The following CNTN3 variants were observed in gnomAD, a reference collection of about 807,000 sequenced individuals.
The protein encoded by CNTN3 is contactin-3.
Under a neutral mutation model 119.1 loss-of-function variants are expected in CNTN3, and 60 were observed. That is an observed-to-expected ratio of 0.50 (90% confidence interval 0.41 to 0.62). The LOEUF is 0.62. Among genes scored for constraint, CNTN3 ranks in the 20% least tolerant of loss-of-function variants. The pLI, the probability that CNTN3 is intolerant of heterozygous loss-of-function variation, is 0.00. For missense variants in CNTN3, 1,101 were observed against 1,242.4 expected, an observed-to-expected ratio of 0.89 and a Z score of 1.71; for synonymous variants, 450 against 438.7, an observed-to-expected ratio of 1.03 and a Z score of -0.32.
intron 5 of CNTN3, among the ~76,000 whole-genome samples, chr3:74,402,503 G>T (rs1229694620): frequency 1.3e-5 from 2 of 152,024 alleles, no homozygotes; most frequent in African/African-American, 4.8e-5. Flanking sequence ...TGTAACACAT[G>T]ACCTTGAATA....
At chr3:74,353,651 G>A (rs1025002406) in intron 11 of CNTN3, among the ~76,000 whole-genome samples, 1 of 152,018 alleles carries the variant, frequency 6.6e-6, no homozygotes, top group African/African-American at 2.4e-5. Flanking sequence ...AGCTACTCGG[G>A]AGGCCGAGGC....
At chr3:74,583,078 G>A (rs2106671427) in intron 1 of CNTN3, among the ~76,000 whole-genome samples, 1 of 152,136 alleles carries the variant, frequency 6.6e-6, no homozygotes, top group South Asian at 2.1e-4. Flanking sequence ...TTTAGAATGG[G>A]CTATTTCGAG....
intron 2 of CNTN3, among the ~76,000 whole-genome samples, chr3:74,519,989 C>T (rs933043118): frequency 5.9e-5 from 9 of 151,616 alleles, no homozygotes; most frequent in African/African-American, 1.7e-4. Flanking sequence ...GCCTAAAAGT[C>T]TATTCCAATC....
chr3:74,358,742 C>A, intron 11 of CNTN3, among the ~76,000 whole-genome samples: 1 of 144,706 alleles, frequency 6.9e-6, no homozygotes, highest in African/African-American at 2.5e-5. Context: ...GTATATCTCC[C>A]AATGCTATCC....
intron 19 of CNTN3, among the ~76,000 whole-genome samples, chr3:74,292,303 G>A (rs567549412): frequency 2.5e-4 from 38 of 152,282 alleles, no homozygotes; most frequent in African/African-American, 8.9e-4. Flanking sequence ...AGTGGCTTAC[G>A]CCTGTAATCC....
At chr3:74,523,754 T>G (rs932519447) in intron 1 of CNTN3, among the ~76,000 whole-genome samples, 4 of 151,898 alleles carry the variant, frequency 2.6e-5, no homozygotes, top group Non-Finnish European at 5.9e-5. Context: ...CTCTGCCCTA[T>G]GTCATTTGGA....
chr3:74,465,644 C>A (rs1428938818), intron 4 of CNTN3, among the ~76,000 whole-genome samples: 5 of 152,170 alleles, frequency 3.3e-5, no homozygotes, highest in Non-Finnish European at 4.4e-5. Context: ...AAGTCTGTAG[C>A]ACAATACATG....
intron 1 of CNTN3, among the ~76,000 whole-genome samples, chr3:74,599,499 C>T (rs1307753708): frequency 1.3e-5 from 2 of 152,058 alleles, no homozygotes; most frequent in African/African-American, 4.8e-5. Context: ...GATGAAACTG[C>T]TCCAACTCAG....
chr3:74,536,515 TA>T (rs1703767542), intron 1 of CNTN3, among the ~76,000 whole-genome samples: 1 of 152,198 alleles, frequency 6.6e-6, no homozygotes, highest in East Asian at 1.9e-4. Flanking sequence ...TTGAATTTAC[TA>T]AAAAGCAACA....
intron 4 of CNTN3, among the ~76,000 whole-genome samples, chr3:74,465,373 G>C (rs1401823050): frequency 6.6e-6 from 1 of 152,134 alleles, no homozygotes; most frequent in African/African-American, 2.4e-5. Context: ...CAGTCAAAGA[G>C]TGTGGGGATT....
At chr3:74,486,011 C>T (rs757324456) in intron 4 of CNTN3, among the ~76,000 whole-genome samples, 1 of 152,128 alleles carries the variant, frequency 6.6e-6, no homozygotes, top group African/African-American at 2.4e-5. Context: ...GACAGTCTTT[C>T]TTCCTTAATA....
At chr3:74,500,224 T>C (rs1477386592) in intron 2 of CNTN3, among the ~76,000 whole-genome samples, 2 of 152,030 alleles carry the variant, frequency 1.3e-5, no homozygotes, top group Non-Finnish European at 2.9e-5. Flanking sequence ...ATTTTTCTAG[T>C]TGGAATAAAA....
chr3:74,598,556 C>A (rs537239573), intron 1 of CNTN3, among the ~76,000 whole-genome samples: 1 of 151,982 alleles, frequency 6.6e-6, no homozygotes, highest in African/African-American at 2.4e-5. Flanking sequence ...ACCTCCCTGG[C>A]CCAAGCCATA....
rs182260041 is a variant in CNTN3, at chr3:74,298,983, G to A, written c.2167-792C>T. Among the ~76,000 whole-genome samples, 10 of 151,914 alleles carry A rather than the reference G, an allele frequency of 6.6e-5. No individual in the cohort carries two copies. In the East Asian group the frequency reaches 9.7e-4, roughly 15 times the overall value. On this transcript the variant is annotated intron_variant, in intron 17 of 22. Transcript: ENST00000263665. ...GCACTTTGGGAGGCCAAGGCACCTC[G>A]ATCATTTGAGGTTAGGAGTTTGAGA...
chr3:74,603,755 C>T (rs1475575991), intron 1 of CNTN3, among the ~76,000 whole-genome samples: 1 of 151,950 alleles, frequency 6.6e-6, no homozygotes, highest in Non-Finnish European at 1.5e-5. Context: ...AAGCAATCTA[C>T]AGATTCAGTG....
intron 4 of CNTN3, among the ~76,000 whole-genome samples, chr3:74,468,747 A>G (rs891890100): frequency 1.8e-4 from 28 of 152,196 alleles, no homozygotes; most frequent in African/African-American, 6.5e-4. Context: ...ATTCTCTAGC[A>G]TAACAAACCT....
At chr3:74,341,230 A>C (rs141154445) in intron 11 of CNTN3, among the ~76,000 whole-genome samples, 1 of 152,336 alleles carries the variant, frequency 6.6e-6, no homozygotes, top group East Asian at 1.9e-4. Flanking sequence ...AACAATATTC[A>C]GTAAATGAAT....
At chr3:74,364,905 C>T (rs1431431363) in intron 9 of CNTN3, among the ~76,000 whole-genome samples, 3 of 152,008 alleles carry the variant, frequency 2.0e-5, no homozygotes, top group African/African-American at 7.2e-5. Flanking sequence ...AAAAAGGTAC[C>T]GTGACTTTAA....
At chr3:74,593,544 C>A (rs888319397) in intron 1 of CNTN3, among the ~76,000 whole-genome samples, 1 of 151,942 alleles carries the variant, frequency 6.6e-6, no homozygotes, top group African/African-American at 2.4e-5. Flanking sequence ...GTGAAAAATA[C>A]ACTACTTCTG....
Sources: allele counts gnomAD v4.1 joint callset (sites outside exome capture counted in the v4.1 genomes callset), GRCh38; gene constraint gnomAD v4.1.1; transcripts MANE v1.5; gene names NCBI Gene and HGNC (gene_info 2026-07-23, HGNC 2026-07-21).